CPVL: variants seen among roughly 807,000 people sequenced by gnomAD.
CPVL encodes the protein carboxypeptidase vitellogenic like, also known as probable serine carboxypeptidase CPVL.
Under a neutral mutation model 63.7 loss-of-function variants are expected in CPVL, and 51 were observed. That is an observed-to-expected ratio of 0.80 (90% CI 0.64 to 1.01). The LOEUF (loss-of-function observed/expected upper bound fraction) is 1.01. Among genes scored for constraint, CPVL ranks in the 50% least tolerant of loss-of-function variants. The pLI, the probability that CPVL is intolerant of heterozygous loss-of-function variation, is 0.00. For missense variants in CPVL, 530 were observed against 573.1 expected, an observed-to-expected ratio of 0.92 and a Z score of 0.77; for synonymous variants, 195 against 206.0, an observed-to-expected ratio of 0.95 and a Z score of 0.46.
At chr7:29,070,220 C>T (rs990693187) in intron 9 of CPVL, among the ~76,000 whole-genome samples, 1 of 152,126 alleles carries the variant, frequency 6.6e-6, no homozygotes, top group Admixed American at 6.5e-5. Flanking sequence ...ATTCTCACCT[C>T]GTGGGTCATG....
intron 3 of CPVL, among the ~76,000 whole-genome samples, chr7:29,100,039 C>T (rs1448228419): frequency 6.6e-6 from 1 of 152,160 alleles, no homozygotes; most frequent in African/African-American, 2.4e-5. Context: ...TGATTTTTAT[C>T]TCCTCTCAGA....
chr7:29,112,216 A>G (rs1050056953), intron 3 of CPVL, among the ~76,000 whole-genome samples: 3 of 152,194 alleles, frequency 2.0e-5, no homozygotes, highest in South Asian at 2.1e-4. Flanking sequence ...AGAACAGAAT[A>G]TGCTCAATAA....
At chr7:29,032,903 T>C (rs751125425) in intron 11 of CPVL, among the ~76,000 whole-genome samples, 1 of 152,344 alleles carries the variant, frequency 6.6e-6, no homozygotes, top group South Asian at 2.1e-4. Flanking sequence ...TTATATTACA[T>C]GTTGAACTGA....
intron 1 of CPVL, among the ~76,000 whole-genome samples, chr7:29,136,365 CAGCAGTG>C (rs1791226124): frequency 6.6e-6 from 1 of 152,112 alleles, no homozygotes; most frequent in South Asian, 2.1e-4. Context: ...CTACTTGGCT[CAGCAGTG>C]AGCATATTTA....
chr7:29,108,414 A>T (rs578232377), intron 3 of CPVL, among the ~76,000 whole-genome samples: 3 of 152,210 alleles, frequency 2.0e-5, no homozygotes, highest in African/African-American at 7.2e-5. Flanking sequence ...TGTCTTTTTT[A>T]TCTTCTTCAG....
chr7:29,131,268 C>T (rs1044757036), intron 1 of CPVL, among the ~76,000 whole-genome samples: 13 of 152,056 alleles, frequency 8.5e-5, no homozygotes, highest in South Asian at 4.2e-4. Flanking sequence ...TAGGATACAC[C>T]GGGTGGCAAA....
intron 2 of CPVL, among the ~76,000 whole-genome samples, chr7:29,117,801 T>C (rs1019478359): frequency 2.6e-5 from 4 of 152,192 alleles, no homozygotes; most frequent in Non-Finnish European, 5.9e-5. Context: ...GCCTGGCACA[T>C]GGTTGGTACC....
chr7:29,029,472 T>TA (rs1562730684), intron 12 of CPVL, among the ~76,000 whole-genome samples: 1 of 152,086 alleles, frequency 6.6e-6, no homozygotes, highest in Non-Finnish European at 1.5e-5. Flanking sequence ...TACTAAGCCA[T>TA]AAAAAAGAAT....
chr7:29,184,847 G>A lies in CPVL; in HGVS notation c.-261-299C>T, dbSNP rs2128747304. ...ACCTGAGTTAACCACTGTAAACATT[G>A]TGGTTGACTTAATTATTCACCCTTT... On this transcript the variant is annotated intron_variant, in intron 3 of 16. Coordinates refer to the CPVL transcript ENST00000409850. 2.0e-5 allele frequency among the ~76,000 whole-genome samples: 3 copies of A among 152,308 alleles called. No individual in the cohort carries two copies. The South Asian group carries it at 6.2e-4, about 32-fold the overall frequency.
At chr7:29,172,841 A>G (rs1796779631) in intron 5 of CPVL, among the ~76,000 whole-genome samples, 1 of 151,958 alleles carries the variant, frequency 6.6e-6, no homozygotes, top group Non-Finnish European at 1.5e-5. Context: ...CTTTTCTGCC[A>G]CTTAAAAATG....
At chr7:28,994,805 C>A (rs182700119), downstream of CPVL, among the ~76,000 whole-genome samples, 1 of 152,284 alleles carries the variant, frequency 6.6e-6, no homozygotes, top group Admixed American at 6.5e-5. Context: ...AAATTTAATT[C>A]TCCAGTGAGC....
At chr7:29,184,159 A>G (rs1373142985) in intron 4 of CPVL, among the ~76,000 whole-genome samples, 17 of 111,916 alleles carry the variant, frequency 1.5e-4, no homozygotes, top group African/African-American at 5.8e-4. Context: ...GATGATAGAT[A>G]GATAGATAGA....
At chr7:29,010,177 G>A (rs1785669230) in intron 12 of CPVL, 1 of 152,054 alleles carries the variant, frequency 6.6e-6, no homozygotes, top group South Asian at 2.1e-4. Flanking sequence ...TTGGGACTCT[G>A]GTTGCTGTAT....
At chr7:29,176,578 G>T (rs978471697) in intron 5 of CPVL, among the ~76,000 whole-genome samples, 1 of 151,936 alleles carries the variant, frequency 6.6e-6, no homozygotes, top group African/African-American at 2.4e-5. Context: ...AAATTGAAAG[G>T]GATTACTACT....
At chr7:29,188,952 T>TC (rs929086813) in intron 1 of CPVL, among the ~76,000 whole-genome samples, 4 of 150,174 alleles carry the variant, frequency 2.7e-5, no homozygotes, top group African/African-American at 9.8e-5. Context: ...TCATACCTTT[T>TC]TTTTTTTTTT....
chr7:29,194,456 A>AG (rs1304101941), intron 1 of CPVL: 1 of 154,266 alleles, frequency 6.5e-6, no homozygotes, highest in East Asian at 1.9e-4. Flanking sequence ...CGGAGGGAGA[A>AG]GGGGGAGGTC....
intron 12 of CPVL, among the ~76,000 whole-genome samples, chr7:29,018,422 A>T (rs967354407): frequency 5.2e-5 from 7 of 135,816 alleles, no homozygotes; most frequent in Non-Finnish European, 7.6e-5. Context: ...TCTGTTGCCC[A>T]ATCTGGAGTG....
chr7:29,116,444 C>G (rs1788785936), intron 2 of CPVL, among the ~76,000 whole-genome samples: 1 of 152,208 alleles, frequency 6.6e-6, no homozygotes, highest in South Asian at 2.1e-4. Flanking sequence ...CACCATGACT[C>G]ACAATACAAA....
chr7:29,032,008 C>A (rs575426090), intron 11 of CPVL, among the ~76,000 whole-genome samples: 2 of 152,010 alleles, frequency 1.3e-5, no homozygotes, highest in Non-Finnish European at 2.9e-5. Context: ...TCTACTCTTA[C>A]GCTACTTTTA....
Sources: gnomAD v4.1 joint callset for allele counts (sites outside exome capture counted in the v4.1 genomes callset) on GRCh38, gnomAD v4.1.1 for gene constraint, MANE v1.5 for transcripts, NCBI Gene and HGNC (gene_info 2026-07-23, HGNC 2026-07-21) for gene names.